The following PRKCZ variants were observed in gnomAD, a reference collection of about 807,000 sequenced individuals.
PRKCZ encodes protein kinase C zeta.
Under a neutral mutation model 79.5 loss-of-function variants are expected in PRKCZ, and 33 were observed. That is an observed-to-expected ratio of 0.41 (90% CI 0.31 to 0.55). PRKCZ has a LOEUF of 0.55. PRKCZ is among the 20% of genes least tolerant of loss of function. The pLI, the probability that PRKCZ is intolerant of heterozygous loss-of-function variation, is 0.19. For synonymous variants in PRKCZ, 342 were observed against 320.9 expected (o/e 1.07, Z -0.70); for missense variants, 578 against 813.5 (o/e 0.71, Z 3.52).
intron 4 of PRKCZ, among the ~76,000 whole-genome samples, chr1:2,113,439 G>A (rs530865687): frequency 2.6e-5 from 4 of 152,204 alleles, no homozygotes; most frequent in Admixed American, 6.5e-5. Flanking sequence ...GCCCGAGTTC[G>A]CTCCTGACCC....
At chr1:2,153,391 G>A (rs1018091180) in intron 9 of PRKCZ, among the ~76,000 whole-genome samples, 1 of 152,246 alleles carries the variant, frequency 6.6e-6, no homozygotes, top group Non-Finnish European at 1.5e-5. Flanking sequence ...GTCGAGCCCC[G>A]ATGGGCCACA....
chr1:2,147,640 TA>T, intron 7 of PRKCZ, among the ~76,000 whole-genome samples: 4 of 150,794 alleles, frequency 2.7e-5, no homozygotes, highest in African/African-American at 9.8e-5. Flanking sequence ...CCTCTCCATC[TA>T]TCCATCCATC....
rs1468824820 is a variant in PRKCZ, at chr1:2,056,478, AC to A, written c.194-3del. 1.2e-6 allele frequency: 2 copies of A among 1,612,520 alleles called. No individual in the cohort carries two copies. Among genetic ancestry groups the A allele is most frequent in the Admixed American group, 1.7e-5 (1 of 59,940 alleles). ...CGACGTCAGCACCGTCTCCTGCCCC[AC>A]CCAGGTGACCCTTGCACGGTGTCCT... On this transcript the variant is annotated splice_polypyrimidine_tract_variant and splice_region_variant and intron_variant, in intron 2 of 17. Coordinates refer to ENST00000378567, the MANE Select transcript of PRKCZ (RefSeq NM_002744.6).
chr1:2,086,810 G>A (rs1180131519), intron 4 of PRKCZ, among the ~76,000 whole-genome samples: 3 of 152,294 alleles, frequency 2.0e-5, no homozygotes, highest in East Asian at 1.9e-4. Flanking sequence ...GAGCCTGTTC[G>A]CTCGTGTGCT....
intron 4 of PRKCZ, among the ~76,000 whole-genome samples, chr1:2,131,211 A>T (rs1436225095): frequency 2.0e-5 from 3 of 152,192 alleles, no homozygotes; most frequent in Admixed American, 2.0e-4. Flanking sequence ...TCCTGCCTCA[A>T]GCCAAGCTCC....
chr1:2,122,909 TCAC>T (rs1305137960), intron 4 of PRKCZ, among the ~76,000 whole-genome samples: 1 of 81,620 alleles, frequency 1.2e-5, no homozygotes, highest in Non-Finnish European at 2.2e-5. Context: ...GTAGTTAGGG[TCAC>T]GGTGGTGGTT....
chr1:2,126,391 G>A (rs1393962325), intron 4 of PRKCZ, among the ~76,000 whole-genome samples: 2 of 152,114 alleles, frequency 1.3e-5, no homozygotes, highest in African/African-American at 2.4e-5. Context: ...CAGGTGATGG[G>A]CAGGTCCCCC....
chr1:2,096,024 G>A lies in PRKCZ; in HGVS notation c.334+36433G>A, dbSNP rs188563262. On this transcript the variant is annotated intron_variant, in intron 4 of 17. Coordinates refer to ENST00000378567, the MANE Select transcript of PRKCZ (RefSeq NM_002744.6). Reference sequence around the variant, plus strand: ...TCACTCTGCGGAGTAAATGGGTGTGGGGGCCGGGCCTGTCTGGGATCAGGG... The same window carrying A: ...TCACTCTGCGGAGTAAATGGGTGTGAGGGCCGGGCCTGTCTGGGATCAGGG... Among the ~76,000 whole-genome samples, 13 of 151,182 alleles carry A rather than the reference G, an allele frequency of 8.6e-5. No individual in the cohort carries two copies. The East Asian group carries it at 2.5e-3, about 30-fold the overall frequency.
chr1:2,151,390 G>A (rs34944978), intron 9 of PRKCZ, among the ~76,000 whole-genome samples: 11,054 of 152,346 alleles, frequency 0.073, 512 homozygotes, highest in South Asian at 0.11. Flanking sequence ...ACCTTCTCAT[G>A]TATGGCCAAC....
Position 2,115,139 on chromosome 1 carries a change from G to A in PRKCZ, c.335-20123G>A, listed in dbSNP as rs147621491. On this transcript the variant is annotated intron_variant, in intron 4 of 17. Transcript: ENST00000378567. ...GTTTCGAGCTTTTGTCTTGGGATCC[G>A]GGGCCATCCACCCTGGGTGTGGCCG... is the stretch of plus-strand genomic sequence containing the variant. Among the ~76,000 whole-genome samples, 27 of 152,366 alleles carry A rather than the reference G, an allele frequency of 1.8e-4. 1 individual carries two copies. Among genetic ancestry groups the A allele is most frequent in the Admixed American group, 1.0e-3 (16 of 15,308 alleles).
chr1:2,101,086 C>G (rs1447318803), intron 4 of PRKCZ, among the ~76,000 whole-genome samples: 4 of 151,556 alleles, frequency 2.6e-5, no homozygotes, highest in Non-Finnish European at 1.5e-5. Flanking sequence ...GGGAGCGTCT[C>G]CTCTGGGACT....
intron 4 of PRKCZ, among the ~76,000 whole-genome samples, chr1:2,079,488 G>A (rs1255194016): frequency 6.6e-6 from 1 of 152,240 alleles, no homozygotes; most frequent in African/African-American, 2.4e-5. Context: ...GAAGCTGCGT[G>A]GTCAGGCCCC....
At chr1:2,154,086 G>A (rs1260777135) in intron 9 of PRKCZ, among the ~76,000 whole-genome samples, 1 of 152,190 alleles carries the variant, frequency 6.6e-6, no homozygotes, top group African/African-American at 2.4e-5. Context: ...CGACGTCCCT[G>A]CGGGGCCACA....
chr1:2,156,993 A>G (rs562230786), intron 10 of PRKCZ, among the ~76,000 whole-genome samples: 1 of 152,322 alleles, frequency 6.6e-6, no homozygotes, highest in South Asian at 2.1e-4. Context: ...GAGAAATCCT[A>G]TAATCCGCCA....
intron 4 of PRKCZ, among the ~76,000 whole-genome samples, chr1:2,110,961 C>T (rs1669629790): frequency 1.3e-5 from 2 of 152,084 alleles, no homozygotes; most frequent in African/African-American, 4.8e-5. Flanking sequence ...GCGGCCTTCC[C>T]CTCGGGTGCG....
At chr1:2,105,336 G>A (rs1668194065) in intron 4 of PRKCZ, among the ~76,000 whole-genome samples, 1 of 152,148 alleles carries the variant, frequency 6.6e-6, no homozygotes, top group East Asian at 1.9e-4. Context: ...GGTCATGAGG[G>A]TGCCCGGGGC....
intron 5 of PRKCZ, among the ~76,000 whole-genome samples, chr1:2,138,575 G>T (rs552351707): frequency 3.3e-5 from 5 of 152,326 alleles, no homozygotes; most frequent in African/African-American, 9.6e-5. Flanking sequence ...GGAATGGGGG[G>T]TGAGGTGGGT....
At chr1:2,057,798 A>T (rs1660315480) in intron 3 of PRKCZ, among the ~76,000 whole-genome samples, 1 of 151,588 alleles carries the variant, frequency 6.6e-6, no homozygotes, top group African/African-American at 2.4e-5. Flanking sequence ...TCCACCTCCC[A>T]GATATAAGCG....
At chr1:2,142,527 G>C in intron 5 of PRKCZ, 1 of 297,038 alleles carries the variant, frequency 3.4e-6, no homozygotes, top group Non-Finnish European at 6.6e-6. Flanking sequence ...CCCAATGCCG[G>C]CATTAAGCTA....
Sources: gnomAD v4.1 joint callset for allele counts (sites outside exome capture counted in the v4.1 genomes callset) on GRCh38, gnomAD v4.1.1 for gene constraint, MANE v1.5 for transcripts, NCBI Gene and HGNC (gene_info 2026-07-23, HGNC 2026-07-21) for gene names.